EIF4G3: variants seen among roughly 807,000 people sequenced by gnomAD.
EIF4G3 encodes the protein eIF-4-gamma 3.
In EIF4G3, 34 loss-of-function variants were observed where a neutral mutation model predicts 186.4. That is an observed-to-expected ratio of 0.18 (90% confidence interval 0.14 to 0.24). EIF4G3 has a LOEUF of 0.24. Among genes scored for constraint, EIF4G3 ranks in the 10% least tolerant of loss-of-function variants. EIF4G3 has a pLI of 1.00. For synonymous variants in EIF4G3, 673 were observed against 679.5 expected (o/e 0.99, Z 0.15); for missense variants, 1,536 against 1,948.5 (o/e 0.79, Z 3.99).
At chr1:21,097,427 G>C (rs1181898848) in intron 2 of EIF4G3, among the ~76,000 whole-genome samples, 1 of 152,116 alleles carries the variant, frequency 6.6e-6, no homozygotes, top group Non-Finnish European at 1.5e-5. Flanking sequence ...AGGAAGAAAG[G>C]AGTAACTCAT....
rs1356850743 is a variant in EIF4G3 at position 21,176,218 on chromosome 1, G to A, written c.-315C>T. 2.1e-5 allele frequency: 9 copies of A among 425,436 alleles called. No individual in the cohort carries two copies. The highest frequency in any genetic ancestry group is 3.3e-5 in the Non-Finnish European group (8 of 244,862). 26.4% of individuals were successfully genotyped at this position (425,436 alleles called of 1,614,324 possible). ...TGGAGGGCCCTGATGTTCGGGTGAGGAGGGGGGACCGCTGCCGCCGCCGCC... is the reference window on the plus strand; with the variant it reads ...TGGAGGGCCCTGATGTTCGGGTGAGAAGGGGGGACCGCTGCCGCCGCCGCC... On this transcript the variant is annotated 5_prime_UTR_variant, in exon 2 of 37. Coordinates refer to ENST00000602326, the MANE Select transcript of EIF4G3 (RefSeq NM_001391906.1).
At chr1:21,164,438 C>T (rs1307771112) in intron 2 of EIF4G3, among the ~76,000 whole-genome samples, 1 of 152,120 alleles carries the variant, frequency 6.6e-6, no homozygotes, top group Non-Finnish European at 1.5e-5. Context: ...ATAACCTTAA[C>T]GCACAAGGCT....
chr1:20,828,324 C>A (rs1049491664), intron 31 of EIF4G3, among the ~76,000 whole-genome samples: 1 of 152,086 alleles, frequency 6.6e-6, no homozygotes, highest in African/African-American at 2.4e-5. Context: ...GCTATTGCGT[C>A]TGGCCATATA....
chr1:20,994,338 C>G (rs1039541274), intron 7 of EIF4G3, among the ~76,000 whole-genome samples: 1 of 152,176 alleles, frequency 6.6e-6, no homozygotes, highest in Non-Finnish European at 1.5e-5. Context: ...CTATGCCACT[C>G]CAACCCCATG....
At chr1:21,166,792 GTTTT>G (rs1558276010) in intron 2 of EIF4G3, among the ~76,000 whole-genome samples, 1 of 151,844 alleles carries the variant, frequency 6.6e-6, no homozygotes, top group African/African-American at 2.4e-5. Flanking sequence ...GTTTTGGGGG[GTTTT>G]TTTGAGACAG....
chr1:21,169,015 A>G (rs1027518919), intron 2 of EIF4G3, among the ~76,000 whole-genome samples: 1 of 150,146 alleles, frequency 6.7e-6, no homozygotes, highest in Non-Finnish European at 1.5e-5. Context: ...CCATCTCTAC[A>G]AAAAAATTAG....
At chr1:20,937,093 C>G (rs1170303801) in intron 14 of EIF4G3, among the ~76,000 whole-genome samples, 1 of 152,092 alleles carries the variant, frequency 6.6e-6, no homozygotes, top group Admixed American at 6.6e-5. Context: ...GATCTTGGAT[C>G]CCTGCAAAGT....
At chr1:21,156,105 C>T (rs2097654897) in intron 2 of EIF4G3, among the ~76,000 whole-genome samples, 1 of 132,858 alleles carries the variant, frequency 7.5e-6, no homozygotes. Context: ...CCAGCCTGGG[C>T]AACAAGAGCG....
intron 34 of EIF4G3, among the ~76,000 whole-genome samples, chr1:20,815,717 C>T (rs2060516990): frequency 7.0e-6 from 1 of 142,624 alleles, no homozygotes; most frequent in African/African-American, 2.6e-5. Flanking sequence ...TCTGCCCGGC[C>T]GCCCCTACTG....
At chr1:20,937,945 C>T (rs12728104) in intron 14 of EIF4G3, among the ~76,000 whole-genome samples, 5,572 of 152,054 alleles carry the variant, frequency 0.037, 155 homozygotes, top group Middle Eastern at 0.12. Context: ...AAGATATATA[C>T]ACACCAAATT....
chr1:21,006,297 T>G (rs2085064522), intron 4 of EIF4G3, among the ~76,000 whole-genome samples: 1 of 152,332 alleles, frequency 6.6e-6, no homozygotes, highest in East Asian at 1.9e-4. Context: ...GGAACATACT[T>G]TGACCATGTT....
rs1441718543 is a variant in EIF4G3 at position 20,841,015 on chromosome 1, C to T, written c.3902G>A (p.Cys1301Tyr). 1.2e-6 allele frequency: 2 copies of T among 1,613,928 alleles called. No homozygotes were observed. The highest frequency in any genetic ancestry group is 1.1e-5 in the South Asian group (1 of 91,054). Reference sequence around the variant, plus strand: ...GCCCTGGGCATTCAGCTCTTCCACACACTGCATGGCTTCCTGTTCCAACAG... The same window carrying T: ...GCCCTGGGCATTCAGCTCTTCCACATACTGCATGGCTTCCTGTTCCAACAG... ...HINDFKEAMQ[C>Y]VEELNAQGLL... is the part of the protein sequence containing the mutation. The change falls in exon 30 of 37, where the codon TGT becomes TAT. Residue 1301 changes from cysteine to tyrosine, a missense_variant. This residue lies in a region of EIF4G3 where 395 missense variants were observed against 498.9 expected (regional missense o/e 0.79). Coordinates refer to ENST00000602326, the MANE Select transcript of EIF4G3 (RefSeq NM_001391906.1).
chr1:20,831,151 CAT>C (rs1275832677), intron 30 of EIF4G3, among the ~76,000 whole-genome samples: 1 of 152,128 alleles, frequency 6.6e-6, no homozygotes, highest in Non-Finnish European at 1.5e-5. Context: ...GTAAGGTCTA[CAT>C]AGATGAGACT....
chr1:20,981,174 A>T lies in EIF4G3; in HGVS notation c.252T>A (p.Ser84Arg). The change falls in exon 9 of 37, where the codon AGT becomes AGA. Residue 84 changes from serine to arginine, a missense_variant. Ser to Arg is a moderately radical substitution (Grantham distance 110, BLOSUM62 -1). Coordinates refer to ENST00000602326, the MANE Select transcript of EIF4G3 (RefSeq NM_001391906.1). ...TCTGTGCACCAGGACGAATGGAAGG[A>T]CTGCTGTTCGGGATGGTAGCTCTAG... ...QPPRATIPNS[S>R]PSIRPGAQTP... The T allele has an allele frequency of 6.2e-7, 1 of 1,613,692 alleles. No homozygotes were observed. The highest frequency in any genetic ancestry group is 1.3e-5 in the African/African-American group (1 of 74,928).
intron 2 of EIF4G3, among the ~76,000 whole-genome samples, chr1:21,108,439 G>A (rs1197937718): frequency 2.0e-5 from 3 of 151,992 alleles, no homozygotes; most frequent in South Asian, 2.1e-4. Context: ...AGAAAGGAGG[G>A]GAATGTTGAT....
intron 2 of EIF4G3, among the ~76,000 whole-genome samples, chr1:21,118,285 C>T (rs975875781): frequency 2.0e-5 from 3 of 152,096 alleles, no homozygotes; most frequent in African/African-American, 7.2e-5. Flanking sequence ...AAATAGTAAA[C>T]CCTCAGGGTG....
At chr1:21,100,264 C>A (rs575449193) in intron 2 of EIF4G3, among the ~76,000 whole-genome samples, 108 of 152,092 alleles carry the variant, frequency 7.1e-4, no homozygotes, top group African/African-American at 2.5e-3. Flanking sequence ...TGAGATAAAC[C>A]AAACATTCTA....
intron 2 of EIF4G3, among the ~76,000 whole-genome samples, chr1:21,092,161 G>A (rs1309953820): frequency 5.3e-5 from 8 of 152,108 alleles, no homozygotes; most frequent in African/African-American, 1.2e-4. Context: ...TTTGAGATAC[G>A]TCCCATCAAT....
chr1:20,929,508 A>G (rs1477555679), intron 14 of EIF4G3: 2 of 152,228 alleles, frequency 1.3e-5, no homozygotes, highest in East Asian at 1.9e-4. Flanking sequence ...TTTGGAAGAT[A>G]AATTCCTCAG....
Sources: gnomAD v4.1 joint callset for allele counts (sites outside exome capture counted in the v4.1 genomes callset) on GRCh38, gnomAD v4.1.1 for gene constraint, gnomAD v4.1.1 regional missense constraint, MANE v1.5 for transcripts, NCBI Gene and HGNC (gene_info 2026-07-23, HGNC 2026-07-21) for gene names.